The following MYH10 variants were observed in gnomAD, a reference collection of about 807,000 sequenced individuals.
The protein encoded by MYH10 is myosin-10.
MYH10 carries 55 observed loss-of-function variants against 257.8 expected under a neutral mutation model. The observed-to-expected ratio is 0.21, with a 90% CI of 0.17 to 0.27. The LOEUF (loss-of-function observed/expected upper bound fraction) is 0.27. MYH10 is among the 10% of genes least tolerant of loss of function. The pLI, the probability that MYH10 is intolerant of heterozygous loss-of-function variation, is 1.00. For synonymous variants in MYH10, 854 were observed against 921.7 expected (o/e 0.93, Z 1.33); for missense variants, 1,631 against 2,500.6 (o/e 0.65, Z 7.42).
intron 4 of MYH10, among the ~76,000 whole-genome samples, chr17:8,578,034 C>T (rs1424863531): frequency 6.6e-6 from 1 of 152,066 alleles, no homozygotes; most frequent in Non-Finnish European, 1.5e-5. Flanking sequence ...ATGATTTAAT[C>T]TGAAGCAGCT....
intron 7 of MYH10, among the ~76,000 whole-genome samples, chr17:8,555,106 AAAGAAAAAAAAAGAAAC>A (rs916410479): frequency 6.6e-5 from 10 of 152,188 alleles, no homozygotes; most frequent in Admixed American, 2.0e-4. Context: ...CTGTCTCAAA[AAAGAAAAAAAAAGAAAC>A]AAGAAAAAAA....
At chr17:8,485,757 G>A (rs1009109857) in intron 36 of MYH10, among the ~76,000 whole-genome samples, 2 of 152,194 alleles carry the variant, frequency 1.3e-5, no homozygotes, top group African/African-American at 4.8e-5. Context: ...GTGACTGTGG[G>A]AAACAGTTTG....
intron 11 of MYH10, among the ~76,000 whole-genome samples, 174 bp downstream of exon 11, chr17:8,548,137 CCT>C (rs543250527): frequency 7.9e-5 from 12 of 152,128 alleles, no homozygotes; most frequent in African/African-American, 1.2e-4. Flanking sequence ...CACCCTGTCC[CCT>C]GTCCTCATTT....
chr17:8,569,428 CCAAT>C lies in MYH10; in HGVS notation c.756+288_756+291del, dbSNP rs2083267603. On this transcript the variant is annotated intron_variant, in intron 7 of 42. Coordinates refer to ENST00000360416, the MANE Select transcript of MYH10 (RefSeq NM_001256012.3). This position sits in a 1 kb window ranked among gnomAD's most constrained non-coding sequence, Gnocchi z 4.1. The stretch of plus-strand genomic sequence containing the variant: ...CCACTGACAGGTGTTATTATCATGC[CCAAT>C]CAAAGATAAATAAGCTCAGAGAGGT... Among the ~76,000 whole-genome samples the C allele has an allele frequency of 6.6e-6, 1 of 151,964 alleles. No individual in the cohort carries two copies. The highest frequency in any genetic ancestry group is 1.5e-5 in the Non-Finnish European group (1 of 68,004).
At position 8,477,881 on chromosome 17, in the gene MYH10, AGGG is replaced by A; in HGVS notation, c.5706+454_5706+456del. The stretch of plus-strand genomic sequence containing the variant: ...GGAACATTCCCTGTGTACTTAGAAA[AGGG>A]GGCCTGGATGCAGACGCTGAAGCTC... On this transcript the variant is annotated intron_variant, in intron 41 of 42. Coordinates refer to ENST00000360416, the MANE Select transcript of MYH10 (RefSeq NM_001256012.3). The surrounding 1 kb of genome is among the most constrained non-coding windows in gnomAD (Gnocchi z 4.2). Among the ~76,000 whole-genome samples, 1 of 152,312 alleles carries A rather than the reference AGGG, an allele frequency of 6.6e-6. No individual in the cohort carries two copies. Among genetic ancestry groups the A allele is most frequent in the East Asian group, 1.9e-4 (1 of 5,192 alleles).
intron 34 of MYH10, among the ~76,000 whole-genome samples, chr17:8,491,194 T>G (rs1715805061): frequency 2.0e-5 from 3 of 152,166 alleles, no homozygotes; most frequent in African/African-American, 7.2e-5. Flanking sequence ...CCAGGACCAC[T>G]GCAGTTCTCA....
At chr17:8,476,091 GGGGAA>G (rs1912551294) in intron 42 of MYH10, 143 bp from the exon 43 acceptor site, 14 of 966,134 alleles carry the variant, frequency 1.4e-5, no homozygotes, top group Middle Eastern at 3.4e-4. Context: ...GCGGTACGAT[GGGGAA>G]GGACTGCGTG....
At chr17:8,566,585 A>G (rs1309187844) in intron 7 of MYH10, among the ~76,000 whole-genome samples, 5 of 151,828 alleles carry the variant, frequency 3.3e-5, no homozygotes, top group African/African-American at 1.2e-4. Flanking sequence ...AGATCCTCCC[A>G]CCTCAGTCAG....
chr17:8,567,638 T>G (rs2083205671), intron 7 of MYH10, among the ~76,000 whole-genome samples: 1 of 152,016 alleles, frequency 6.6e-6, no homozygotes, highest in Admixed American at 6.6e-5. Flanking sequence ...AAGAAGAGAT[T>G]AGGACACAGA....
intron 2 of MYH10, among the ~76,000 whole-genome samples, chr17:8,619,977 T>C (rs887819321): frequency 2.9e-4 from 44 of 152,158 alleles, no homozygotes; most frequent in African/African-American, 2.9e-4. Context: ...TAGGGATGCA[T>C]ACTTCATTGA....
Position 8,518,724 on chromosome 17 carries a change from C to G in MYH10, c.2411G>C (p.Gly804Ala). Residue 804 changes from glycine to alanine, a missense_variant, in exon 21 of 43, where the codon GGA becomes GCA. Gly to Ala is a moderately conservative substitution (Grantham distance 60, BLOSUM62 0). This residue lies in a region of MYH10 where 116 missense variants were observed against 221.6 expected (regional missense o/e 0.52). Coordinates refer to ENST00000360416, the MANE Select transcript of MYH10 (RefSeq NM_001256012.3). ...IGQSKIFFRA[G>A]VLAHLEEERD... is the part of the protein sequence containing the mutation. ...TTCTTCCTCTAAGTGTGCCAGAACT[C>G]CAGCTCTGAAAAATATCTTGCTCTG... 2 of 1,614,040 alleles carry G rather than the reference C, an allele frequency of 1.2e-6. No homozygotes were observed. Among genetic ancestry groups the G allele is most frequent in the African/African-American group, 2.7e-5 (2 of 75,016 alleles).
In MYH10 at chr17:8,552,651, T is replaced by C. The variant is rs984091134; in HGVS notation, c.821-507A>G. Among the ~76,000 whole-genome samples the C allele has an allele frequency of 2.0e-5, 3 of 152,222 alleles. No individual in the cohort carries two copies. Among genetic ancestry groups the C allele is most frequent in the African/African-American group, 7.2e-5 (3 of 41,446 alleles). The stretch of plus-strand genomic sequence containing the variant: ...CTTGGCTTGACTCCAAAATGCATGA[T>C]GAGAGTGCCCACAATGCTACCCTAT... On this transcript the variant is annotated intron_variant, in intron 8 of 42. Coordinates refer to ENST00000360416, the MANE Select transcript of MYH10 (RefSeq NM_001256012.3). This position sits in a 1 kb window ranked among gnomAD's most constrained non-coding sequence, Gnocchi z 4.8.
chr17:8,532,482 G>A (rs1270632010), intron 16 of MYH10, among the ~76,000 whole-genome samples: 1 of 152,166 alleles, frequency 6.6e-6, no homozygotes, highest in African/African-American at 2.4e-5. Context: ...GTGCAGGTAA[G>A]GAGTCTCCAG....
At chr17:8,620,931 A>C (rs1309577795) in intron 2 of MYH10, among the ~76,000 whole-genome samples, 1 of 152,248 alleles carries the variant, frequency 6.6e-6, no homozygotes, top group Non-Finnish European at 1.5e-5. Flanking sequence ...CAGGTTGTCC[A>C]TGAGTTAAGT....
At chr17:8,533,133 C>T (rs2082049314) in intron 16 of MYH10, among the ~76,000 whole-genome samples, 1 of 152,134 alleles carries the variant, frequency 6.6e-6, no homozygotes, top group South Asian at 2.1e-4. Context: ...TCAGTCGCCC[C>T]ATATTCAACT....
At chr17:8,488,306 G>A (rs938038916) in intron 35 of MYH10, among the ~76,000 whole-genome samples, 2 of 152,108 alleles carry the variant, frequency 1.3e-5, no homozygotes, top group African/African-American at 4.8e-5. Context: ...AAGGTGCTCT[G>A]GAGTCCTTAA....
intron 30 of MYH10, among the ~76,000 whole-genome samples, chr17:8,496,949 C>T (rs1191967385): frequency 6.6e-6 from 1 of 152,098 alleles, no homozygotes; most frequent in African/African-American, 2.4e-5. Flanking sequence ...TGTAACCAGC[C>T]CCTAATAAAA....
chr17:8,525,514 C>T (rs1217161798), intron 17 of MYH10, among the ~76,000 whole-genome samples: 1 of 152,214 alleles, frequency 6.6e-6, no homozygotes, highest in African/African-American at 2.4e-5. Flanking sequence ...GCTAAGTGAA[C>T]TTGCACGAAG....
intron 6 of MYH10, among the ~76,000 whole-genome samples, chr17:8,574,476 C>A (rs532817439): frequency 2.0e-5 from 3 of 152,226 alleles, no homozygotes; most frequent in Admixed American, 2.0e-4. Flanking sequence ...AGTGAATATA[C>A]TAAAAACACT....
Sources: gnomAD v4.1 joint callset for allele counts (sites outside exome capture counted in the v4.1 genomes callset) on GRCh38, gnomAD v4.1.1 for gene constraint, gnomAD v4.1.1 regional missense constraint, Gnocchi (gnomAD v3.1) non-coding constraint, MANE v1.5 for transcripts, NCBI Gene and HGNC (gene_info 2026-07-23, HGNC 2026-07-21) for gene names.